Variants in TSEN2 observed in about 807,000 individuals in gnomAD.
TSEN2 encodes the protein tRNA-splicing endonuclease subunit Sen2.
A neutral mutation model predicts 59.2 loss-of-function variants in TSEN2; 54 were observed. The ratio of observed to expected loss-of-function variants is 0.91; its 90% CI spans 0.73 to 1.14. The LOEUF is 1.14. Among genes scored for constraint, TSEN2 ranks in the 50% most tolerant of loss-of-function variants. The pLI is 0.00. For missense variants in TSEN2, 636 were observed against 576.2 expected, an observed-to-expected ratio of 1.10 and a Z score of -1.06; for synonymous variants, 195 against 198.2, an observed-to-expected ratio of 0.98 and a Z score of 0.14.
chr3:12,503,139 C>G, intron 4 of TSEN2, 123 bp from the exon 5 acceptor site: 1 of 1,005,304 alleles, frequency 9.9e-7, no homozygotes. Flanking sequence ...ATCTATAATG[C>G]ACCATTCAAT....
chr3:12,488,455 C>G (rs2052864693), intron 1 of TSEN2, among the ~76,000 whole-genome samples: 1 of 152,180 alleles, frequency 6.6e-6, no homozygotes. Context: ...TGTCTTGCAC[C>G]ATTTACATTG....
At chr3:12,517,090 G>A (rs773276820) in intron 7 of TSEN2, among the ~76,000 whole-genome samples, 5 of 152,164 alleles carry the variant, frequency 3.3e-5, no homozygotes, top group Non-Finnish European at 7.3e-5. Flanking sequence ...GCTCACGCCT[G>A]TAATCCCAGC....
At chr3:12,530,770 C>T (rs2057405648) in intron 10 of TSEN2, 2 of 984,500 alleles carry the variant, frequency 2.0e-6, no homozygotes, top group Non-Finnish European at 2.4e-6. Flanking sequence ...TTAATATGTC[C>T]TCACTTAACA....
intron 6 of TSEN2, among the ~76,000 whole-genome samples, chr3:12,509,727 C>T (rs887882622): frequency 2.6e-5 from 4 of 152,206 alleles, no homozygotes; most frequent in African/African-American, 9.6e-5. Context: ...CTAAGAAGTT[C>T]GGATTTGTTA....
intron 6 of TSEN2, among the ~76,000 whole-genome samples, chr3:12,510,289 C>T (rs1478436158): frequency 2.0e-5 from 3 of 152,210 alleles, no homozygotes; most frequent in African/African-American, 7.2e-5. Context: ...TTTCCTCACT[C>T]ACTCTGTGTC....
intron 9 of TSEN2, among the ~76,000 whole-genome samples, chr3:12,529,474 A>AT: frequency 6.6e-6 from 1 of 152,066 alleles, no homozygotes; most frequent in Non-Finnish European, 1.5e-5. Context: ...TCAAAAAAAA[A>AT]AAAAAAAAAA....
At chr3:12,486,128 T>C (rs1478566349) in intron 1 of TSEN2, among the ~76,000 whole-genome samples, 2 of 152,170 alleles carry the variant, frequency 1.3e-5, no homozygotes, top group Non-Finnish European at 2.9e-5. Flanking sequence ...AGTCCTTCTG[T>C]GGATACCAAG....
At chr3:12,520,861 G>A (rs1489678182) in intron 8 of TSEN2, among the ~76,000 whole-genome samples, 1 of 152,120 alleles carries the variant, frequency 6.6e-6, no homozygotes, top group African/African-American at 2.4e-5. Flanking sequence ...ACAGGGGTTT[G>A]TTGTACAGAT....
chr3:12,483,750 G>A (rs1461567062), upstream of TSEN2, among the ~76,000 whole-genome samples: 1 of 152,228 alleles, frequency 6.6e-6, no homozygotes, highest in Non-Finnish European at 1.5e-5. Context: ...ATTTGGGAAA[G>A]TATATATTGG....
chr3:12,506,857 G>A (rs994965904), intron 6 of TSEN2: 1 of 985,218 alleles, frequency 1.0e-6, no homozygotes, highest in Non-Finnish European at 1.2e-6. Context: ...GAAGTGCTAT[G>A]GAACACATCC....
At chr3:12,523,696 C>T (rs1359090004) in intron 8 of TSEN2, among the ~76,000 whole-genome samples, 2 of 151,692 alleles carry the variant, frequency 1.3e-5, no homozygotes, top group African/African-American at 2.4e-5. Context: ...CACACCACCA[C>T]ACCCAGCTAA....
At chr3:12,486,987 G>A (rs2052681689) in intron 1 of TSEN2, among the ~76,000 whole-genome samples, 2 of 152,158 alleles carry the variant, frequency 1.3e-5, no homozygotes, top group Admixed American at 6.5e-5. Context: ...GAATAATACT[G>A]TTGTGAACAT....
rs2054640765 is a variant in TSEN2 at position 12,504,834 on chromosome 3, CTCTG to C, written c.832-314_832-311del. ...AGGAGTTCAAGACCAGCCTGGGCAA[CTCTG>C]TCTGTACAAAAAATTAGCCAGGCAT... is the stretch of plus-strand genomic sequence containing the variant. On this transcript the variant is annotated intron_variant, in intron 5 of 11. Coordinates refer to ENST00000284995, the MANE Select transcript of TSEN2 (RefSeq NM_025265.4). Among the ~76,000 whole-genome samples, 6 of 152,078 alleles carry C rather than the reference CTCTG, an allele frequency of 3.9e-5. No individual in the cohort carries two copies. In the South Asian group the frequency reaches 6.2e-4, roughly 16 times the overall value.
At chr3:12,516,584 A>G (rs777933857) in intron 6 of TSEN2, 27 bp from the exon 7 acceptor site, 5 of 1,612,702 alleles carry the variant, frequency 3.1e-6, no homozygotes, top group Non-Finnish European at 8.5e-7. Context: ...ATTTGTAATG[A>G]GCATTTTCTG....
intron 6 of TSEN2, among the ~76,000 whole-genome samples, chr3:12,512,438 C>G (rs1037158525): frequency 6.6e-6 from 1 of 152,202 alleles, no homozygotes; most frequent in Admixed American, 6.5e-5. Flanking sequence ...ACACAACGAC[C>G]AGCACAGTTC....
chr3:12,535,170 G>C (rs1184131451), downstream of TSEN2, among the ~76,000 whole-genome samples: 1 of 151,990 alleles, frequency 6.6e-6, no homozygotes, highest in Non-Finnish European at 1.5e-5. Flanking sequence ...GGATTAAAAA[G>C]AAACAAATTT....
chr3:12,532,598 T>C, intron 11 of TSEN2, 64 bp from the exon 12 acceptor site: 2 of 1,515,652 alleles, frequency 1.3e-6, no homozygotes, highest in Non-Finnish European at 1.8e-6. Context: ...TGGTGTCAGC[T>C]GTGGTGTCAG....
intron 1 of TSEN2, among the ~76,000 whole-genome samples, chr3:12,486,900 A>G (rs1190330775): frequency 6.6e-6 from 1 of 152,250 alleles, no homozygotes; most frequent in African/African-American, 2.4e-5. Context: ...GTATTTGATT[A>G]TATGGATAGA....
In TSEN2 at chr3:12,496,676, A is replaced by C. The variant is rs557568497; in HGVS notation, c.308+122A>C. The C allele has an allele frequency of 2.7e-5, 26 of 949,908 alleles. No homozygotes were observed. The Admixed American group carries it at 3.0e-4, about 11-fold the overall frequency. The allele number at this position is 949,908 out of a possible 1,614,324, so 58.8% of individuals were successfully genotyped here. On this transcript the variant is annotated intron_variant, in intron 4 of 11. Coordinates refer to ENST00000284995, the MANE Select transcript of TSEN2 (RefSeq NM_025265.4). Reference sequence around the variant, plus strand: ...TTTTTCTTTCTGTTTTTGGTAGTAGATGTATCCTTGAAAATTATGTTGGAA... The same window carrying C: ...TTTTTCTTTCTGTTTTTGGTAGTAGCTGTATCCTTGAAAATTATGTTGGAA...
Sources: allele counts gnomAD v4.1 joint callset (sites outside exome capture counted in the v4.1 genomes callset), GRCh38; gene constraint gnomAD v4.1.1; transcripts MANE v1.5; gene names NCBI Gene and HGNC (gene_info 2026-07-23, HGNC 2026-07-21).